The following RPE65 variants were observed in gnomAD, a reference collection of about 807,000 sequenced individuals.
The protein encoded by RPE65 is retinoid isomerohydrolase.
A neutral mutation model predicts 68.5 loss-of-function variants in RPE65; 58 were observed. The observed-to-expected ratio is 0.85, with a 90% confidence interval of 0.69 to 1.05. The LOEUF (loss-of-function observed/expected upper bound fraction) is 1.05, where lower values mean the gene tolerates loss of function less well. RPE65 is among the 50% of genes least tolerant of loss of function. The pLI is 0.00. For missense variants in RPE65, 643 were observed against 629.9 expected (o/e 1.02, Z -0.22); for synonymous variants, 220 against 222.2 (o/e 0.99, Z 0.09).
chr1:68,448,527 C>T, intron 2 of RPE65, 97 bp downstream of exon 2: 1 of 1,128,054 alleles, frequency 8.9e-7, no homozygotes, highest in East Asian at 2.4e-5. Context: ...CCCTGTGACC[C>T]ACAGGGGGAG....
chr1:68,444,862 G>A lies in RPE65; in HGVS notation c.267C>T (p.Tyr89=), dbSNP rs372620785. The part of the protein sequence containing the change: ...YHRRFIRTDA[Y]VRAMTEKRIV... Reference sequence around the variant, plus strand: ...TCCTTTTCTCAGTCATTGCCCGTACGTAAGCATCAGTGCGGATGAACCTGA... The same window carrying A: ...TCCTTTTCTCAGTCATTGCCCGTACATAAGCATCAGTGCGGATGAACCTGA... The change falls in exon 4 of 14, where the codon TAC becomes TAT. Residue 89 remains tyrosine (Y), a synonymous_variant. Coordinates refer to ENST00000262340, the MANE Select transcript of RPE65 (RefSeq NM_000329.3). 8 of 1,613,960 alleles carry A rather than the reference G, an allele frequency of 5.0e-6. No homozygotes were observed. Among genetic ancestry groups the A allele is most frequent in the South Asian group, 2.2e-5 (2 of 91,080 alleles).
Position 68,439,541 on chromosome 1 carries a change from A to G in RPE65, c.725+20T>C, listed in dbSNP as rs1645885408. On this transcript the variant is annotated intron_variant, in intron 7 of 13. Transcript: ENST00000262340. ...TAAACTTGAGTTTTCCTGAAGATTCATAGCAGGCCTTCAAGTTACCTATGA... is the reference window on the plus strand; with the variant it reads ...TAAACTTGAGTTTTCCTGAAGATTCGTAGCAGGCCTTCAAGTTACCTATGA... 6.2e-7 allele frequency: 1 copy of G among 1,611,084 alleles called. No individual in the cohort carries two copies. The highest frequency in any genetic ancestry group is 8.5e-7 in the Non-Finnish European group (1 of 1,177,320).
At position 68,448,646 on chromosome 1, in the gene RPE65, C is replaced by T. The variant is rs1282164855; in HGVS notation, c.72G>A (p.Ser24=). The change falls in exon 2 of 14, where the codon TCG becomes TCA. Residue 24 remains serine, a synonymous_variant. Coordinates refer to ENST00000262340, the MANE Select transcript of RPE65 (RefSeq NM_000329.3). ...AACCTGTTACATGAGCTGTGAGCGG[C>T]GAGGACAGTTCCTCCACAGTTTCAA... is the stretch of plus-strand genomic sequence containing the variant. ...KLFETVEELS[S]PLTAHVTGRI... 4.3e-6 allele frequency: 7 copies of T among 1,613,898 alleles called. No homozygotes were observed. Among genetic ancestry groups the T allele is most frequent in the African/African-American group, 1.3e-5 (1 of 74,954 alleles).
Position 68,446,856 on chromosome 1 carries a change from C to T in RPE65, c.99G>A (p.Arg33=), listed in dbSNP as rs1170456969. ...GACTGCCGGTGAGCCAGAGGGGGAT[C>T]CTGCCTGTGATGAAGGGGAGACAGA... ...SSPLTAHVTG[R]IPLWLTGSLL... Residue 33 remains arginine, a synonymous_variant, in exon 3 of 14, where the codon AGG becomes AGA. Transcript: ENST00000262340. 1 of 1,613,248 alleles carries T rather than the reference C, an allele frequency of 6.2e-7. No individual in the cohort carries two copies. Among genetic ancestry groups the T allele is most frequent in the Admixed American group, 1.7e-5 (1 of 60,000 alleles).
At position 68,441,002 on chromosome 1, in the gene RPE65, T is replaced by A; in HGVS notation, c.496-2A>T. On this transcript the variant is annotated splice_acceptor_variant, in intron 5 of 13. Coordinates refer to ENST00000262340, the MANE Select transcript of RPE65 (RefSeq NM_000329.3). LOFTEE classifies it high-confidence loss of function. ...AGAGACATAGTTGCAAAGATCAACC[T>A]ACGGAAGTAAAGTGAATGTCCTCCA... 1 of 1,613,820 alleles carries A rather than the reference T, an allele frequency of 6.2e-7. No individual in the cohort carries two copies. Among genetic ancestry groups the A allele is most frequent in the Non-Finnish European group, 8.5e-7 (1 of 1,179,800 alleles).
At position 68,431,045 on chromosome 1, in the gene RPE65, A is replaced by G; in HGVS notation, c.1450+20T>C. On this transcript the variant is annotated intron_variant, in intron 13 of 13. Coordinates refer to ENST00000262340, the MANE Select transcript of RPE65 (RefSeq NM_000329.3). ...ACTGCAGTAAGAAGAGTATTCAGAC[A>G]CAACAATTGCTTTCATTACCATCAT... is the stretch of plus-strand genomic sequence containing the variant. 1.3e-6 allele frequency: 2 copies of G among 1,587,386 alleles called. No homozygotes were observed. Among genetic ancestry groups the G allele is most frequent in the Non-Finnish European group, 1.7e-6 (2 of 1,155,806 alleles).
At chr1:68,445,311 A>T (rs1032418611) in intron 3 of RPE65, among the ~76,000 whole-genome samples, 2 of 152,012 alleles carry the variant, frequency 1.3e-5, no homozygotes, top group Non-Finnish European at 2.9e-5. Flanking sequence ...GTGCTGAATT[A>T]TATTCTTCTC....
At chr1:68,430,946 A>G in intron 13 of RPE65, 119 bp downstream of exon 13, 1 of 789,052 alleles carries the variant, frequency 1.3e-6, no homozygotes, top group Non-Finnish European at 2.2e-6. Flanking sequence ...TGCTCTATTT[A>G]TAGTATTAAG....
In RPE65 at chr1:68,439,342, G is replaced by T. The variant is rs1219424509; in HGVS notation, c.726-19C>A. 1.4e-5 allele frequency: 23 copies of T among 1,612,126 alleles called. No homozygotes were observed. The highest frequency in any genetic ancestry group is 1.9e-5 in the Non-Finnish European group (22 of 1,179,884). On this transcript the variant is annotated intron_variant, in intron 7 of 13. Transcript: ENST00000262340. ...ACCAAAACTGTTCAGAAACACAAAT[G>T]GGCTTGTGAATGAAAGGGCTGATTC...
chr1:68,446,679 G>A (rs1322959376), intron 3 of RPE65, 31 bp downstream of exon 3: 3 of 1,613,572 alleles, frequency 1.9e-6, no homozygotes, highest in Non-Finnish European at 2.5e-6. Flanking sequence ...CCTACTTTGA[G>A]GAGGAGGAGT....
At chr1:68,445,621 C>T (rs935043525) in intron 3 of RPE65, among the ~76,000 whole-genome samples, 1 of 152,096 alleles carries the variant, frequency 6.6e-6, no homozygotes, top group Non-Finnish European at 1.5e-5. Flanking sequence ...TCAAGCTATA[C>T]TCTTGCCTCA....
intron 9 of RPE65, 37 bp from the exon 10 acceptor site, chr1:68,438,353 T>C: frequency 1.2e-6 from 2 of 1,606,086 alleles, no homozygotes; most frequent in Non-Finnish European, 1.7e-6. Context: ...GCACAGGCAA[T>C]GACAAATAAT....
chr1:68,435,430 A>G (rs868491464), intron 10 of RPE65, among the ~76,000 whole-genome samples: 5 of 152,132 alleles, frequency 3.3e-5, no homozygotes, highest in Admixed American at 2.6e-4. Context: ...TATCATTTCA[A>G]TACCATTAAT....
intron 5 of RPE65, among the ~76,000 whole-genome samples, chr1:68,443,245 A>G (rs545828167): frequency 1.3e-5 from 2 of 152,284 alleles, no homozygotes; most frequent in East Asian, 3.9e-4. Context: ...CTAGTTCTCA[A>G]CTGGGAGTGT....
intron 10 of RPE65, among the ~76,000 whole-genome samples, chr1:68,432,549 T>C (rs1645834664): frequency 6.6e-6 from 1 of 151,950 alleles, no homozygotes; most frequent in Non-Finnish European, 1.5e-5. Flanking sequence ...GGGAGGAGGA[T>C]GCTGAGTGTG....
chr1:68,448,473 A>C lies in RPE65; in HGVS notation c.94+151T>G, dbSNP rs1645958095. On this transcript the variant is annotated intron_variant, in intron 2 of 13. Transcript: ENST00000262340. ...AAATAAAGTAAAGGCGAATGAAAGA[A>C]AATGGGTTCTTGCTATAAAAAGCCC... 4 of 698,986 alleles carry C rather than the reference A, an allele frequency of 5.7e-6. No individual in the cohort carries two copies. The South Asian group carries it at 6.4e-5, about 11-fold the overall frequency. 43.3% of individuals were successfully genotyped at this position (698,986 alleles called of 1,614,324 possible). A position where few individuals can be genotyped will look rare whatever the true frequency, so the allele number is the denominator to read the frequency against.
intron 2 of RPE65, 132 bp from the exon 3 acceptor site, chr1:68,446,992 T>G: frequency 8.1e-7 from 1 of 1,230,982 alleles, no homozygotes. Context: ...GATTTTCATT[T>G]CCAGCCCTCG....
intron 5 of RPE65, among the ~76,000 whole-genome samples, chr1:68,442,260 T>C (rs1645909156): frequency 6.6e-6 from 1 of 152,168 alleles, no homozygotes; most frequent in South Asian, 2.1e-4. Context: ...CTCCAACTAA[T>C]GTTTGAAAGG....
chr1:68,445,599 C>G (rs112481917), intron 3 of RPE65, among the ~76,000 whole-genome samples: 1 of 151,968 alleles, frequency 6.6e-6, no homozygotes. Context: ...CTGCAACCTC[C>G]GCCTCCTGGG....
Sources: gnomAD v4.1 joint callset for allele counts (sites outside exome capture counted in the v4.1 genomes callset) on GRCh38, gnomAD v4.1.1 for gene constraint, MANE v1.5 for transcripts, NCBI Gene and HGNC (gene_info 2026-07-23, HGNC 2026-07-21) for gene names.